Variants in MACF1 observed in about 807,000 individuals in gnomAD.
The protein encoded by MACF1 is microtubule actin crosslinking factor 1, also known as microtubule-actin cross-linking factor 1.
In MACF1, 193 loss-of-function variants were observed where a neutral mutation model predicts 854.8. The ratio of observed to expected loss-of-function variants is 0.23; its 90% CI spans 0.20 to 0.25. MACF1 has a LOEUF of 0.25. Among genes scored for constraint, MACF1 ranks in the 10% least tolerant of loss-of-function variants. The pLI, the probability that MACF1 is intolerant of heterozygous loss-of-function variation, is 1.00. For missense variants in MACF1, 7,722 were observed against 8,929.1 expected (o/e 0.86, Z 5.45); for synonymous variants, 3,185 against 3,226.7 (o/e 0.99, Z 0.44).
intron 97 of MACF1, among the ~76,000 whole-genome samples, chr1:39,477,073 A>ACACACACATATATACACATAGTG (rs1481277864): frequency 2.6e-5 from 1 of 37,866 alleles, no homozygotes; most frequent in African/African-American, 1.7e-4. Context: ...ATATATATAT[A>ACACACACATATATACACATAGTG]TATATATATA....
chr1:39,286,393 C>T (rs1019762874), intron 14 of MACF1, among the ~76,000 whole-genome samples: 14 of 151,830 alleles, frequency 9.2e-5, no homozygotes, highest in African/African-American at 1.9e-4. Context: ...TGATCCATCA[C>T]ATTCTTTTTA....
chr1:39,293,949 A>G (rs965631376), intron 18 of MACF1, among the ~76,000 whole-genome samples: 2 of 152,096 alleles, frequency 1.3e-5, no homozygotes, highest in South Asian at 2.1e-4. Context: ...TTATTCTTCT[A>G]CTAACTAGCT....
chr1:39,359,597 C>G (rs1490655060), intron 47 of MACF1, among the ~76,000 whole-genome samples: 4 of 152,100 alleles, frequency 2.6e-5, no homozygotes, highest in Non-Finnish European at 5.9e-5. Context: ...TTATTGAATG[C>G]TTACCAAGCG....
At chr1:39,417,712 A>ATTTTTTTTTTTT (rs1643370130) in intron 58 of MACF1, among the ~76,000 whole-genome samples, 1 of 68,516 alleles carries the variant, frequency 1.5e-5, no homozygotes, top group Admixed American at 1.6e-4. Flanking sequence ...ACACCCAGTT[A>ATTTTTTTTTTTT]ATTTTTTTTT....
At chr1:39,247,580 C>T (rs569773864) in intron 2 of MACF1, among the ~76,000 whole-genome samples, 1 of 152,126 alleles carries the variant, frequency 6.6e-6, no homozygotes, top group East Asian at 1.9e-4. Context: ...CCCAACATTG[C>T]ATTTAGTGAT....
chr1:39,093,305 CTTTTTTTTTTTTTT>C (rs34921076), intron 2 of MACF1, among the ~76,000 whole-genome samples: 29 of 54,176 alleles, frequency 5.4e-4, no homozygotes, highest in East Asian at 9.1e-4. Context: ...TACTCCACTT[CTTTTTTTTTTTTTT>C]TTTTTTTTTT....
chr1:39,436,368 G>T, intron 70 of MACF1: 2 of 1,084,620 alleles, frequency 1.8e-6, no homozygotes, highest in Non-Finnish European at 2.8e-6. Context: ...CCCACCTTCC[G>T]TCCCATCTCT....
At chr1:39,134,619 C>T (rs1643117237) in intron 2 of MACF1, among the ~76,000 whole-genome samples, 1 of 152,158 alleles carries the variant, frequency 6.6e-6, no homozygotes, top group African/African-American at 2.4e-5. Flanking sequence ...CCTAATTCCC[C>T]ATTTGTAAAA....
intron 2 of MACF1, among the ~76,000 whole-genome samples, chr1:39,146,971 A>C (rs1486913354): frequency 6.6e-6 from 1 of 152,074 alleles, no homozygotes; most frequent in Admixed American, 6.6e-5. Context: ...ATATACACCT[A>C]CTGAGTACCC....
chr1:39,387,350 T>G lies in MACF1; in HGVS notation c.14508T>G (p.Asn4836Lys), dbSNP rs762861917. 2.5e-6 allele frequency: 4 copies of G among 1,614,176 alleles called. No homozygotes were observed. Among genetic ancestry groups the G allele is most frequent in the Non-Finnish European group, 2.5e-6 (3 of 1,180,040 alleles). The change falls in exon 58 of 101, where the codon AAT becomes AAG. Residue 4836 changes from asparagine to lysine, a missense_variant. By Grantham distance (94) the Asn-to-Lys change is moderately conservative (BLOSUM62 0). Transcript: ENST00000564288. ...LERLQSQLQE[N>K]EEFQKSLNQH... ...GGCTACAGTCTCAGCTACAGGAGAATGAAGAGTTTCAGAAAAGTCTTAATC... is the reference window on the plus strand; with the variant it reads ...GGCTACAGTCTCAGCTACAGGAGAAGGAAGAGTTTCAGAAAAGTCTTAATC...
rs1185890465 is a variant in MACF1 at position 39,335,853 on chromosome 1, T to A, written c.9265T>A (p.Leu3089Ile). The change falls in exon 37 of 101, where the codon TTA becomes ATA. Residue 3089 changes from leucine (L) to isoleucine (I), a missense_variant. By Grantham distance (5) the Leu-to-Ile change is conservative. This residue lies in a region of MACF1 where 854 missense variants were observed against 852.6 expected (regional missense o/e 1.00). Coordinates refer to ENST00000564288, the MANE Select transcript of MACF1 (RefSeq NM_001394062.1). ...CTTGACTTTAAAACCAGAAGAAAAC[T>A]TATCTCGAGAAATTGCCTGTGGGGC... ...LCLTLKPEEN[L>I]SREIACGAQS... 1.9e-6 allele frequency: 3 copies of A among 1,613,838 alleles called. No homozygotes were observed. The highest frequency in any genetic ancestry group is 2.7e-5 in the African/African-American group (2 of 74,830).
Position 39,336,019 on chromosome 1 carries a change from C to A in MACF1, c.9431C>A (p.Thr3144Asn), listed in dbSNP as rs745674971. ...TTCCAAGGAACCACCAGACAGGAGA[C>A]CAACTATCAAGATTCCTGGGTTACT... The part of the protein sequence containing the change: ...KSFQGTTRQE[T>N]NYQDSWVTSK... The change falls in exon 37 of 101, where the codon ACC (threonine) becomes AAC (asparagine). Residue 3144 changes from threonine to asparagine, a missense_variant. Physicochemically the swap from Thr to Asn is moderately conservative, Grantham distance 65 (BLOSUM62 0). Around this residue, in one of 15 missense-constraint regions of MACF1, gnomAD observed 854 missense variants for 852.6 expected, o/e 1.00. Coordinates refer to ENST00000564288, the MANE Select transcript of MACF1 (RefSeq NM_001394062.1). 5 of 1,614,096 alleles carry A rather than the reference C, an allele frequency of 3.1e-6. No individual in the cohort carries two copies. The highest frequency in any genetic ancestry group is 4.2e-6 in the Non-Finnish European group (5 of 1,180,014).
At chr1:39,412,808 A>T (rs1446904618) in intron 58 of MACF1, 3 of 1,612,766 alleles carry the variant, frequency 1.9e-6, no homozygotes, top group South Asian at 1.1e-5. Flanking sequence ...GATGCCCTAG[A>T]TGCTGCACTG....
At chr1:39,378,062 A>C (rs1271895061) in intron 52 of MACF1, among the ~76,000 whole-genome samples, 1 of 152,072 alleles carries the variant, frequency 6.6e-6, no homozygotes, top group Non-Finnish European at 1.5e-5. Flanking sequence ...CATTTTTATT[A>C]TATTGAAAGA....
chr1:39,417,457 G>A (rs550600164), intron 58 of MACF1, among the ~76,000 whole-genome samples: 17 of 152,244 alleles, frequency 1.1e-4, no homozygotes, highest in African/African-American at 2.9e-4. Context: ...GTGTTTGAAC[G>A]CTCTGCTGAT....
chr1:39,137,354 G>A (rs1430637429), intron 2 of MACF1, among the ~76,000 whole-genome samples: 1 of 152,204 alleles, frequency 6.6e-6, no homozygotes, highest in Non-Finnish European at 1.5e-5. Flanking sequence ...ACAGGCGTGA[G>A]CCACCATACC....
Position 39,388,145 on chromosome 1 carries a change from C to T in MACF1, c.15303C>T (p.Leu5101=), listed in dbSNP as rs755946939. The T allele has an allele frequency of 8.1e-6, 13 of 1,613,920 alleles. No individual in the cohort carries two copies. In the Admixed American group the frequency reaches 1.2e-4, roughly 14 times the overall value. The change falls in exon 58 of 101, where the codon CTC becomes CTT. Residue 5101 remains leucine, a synonymous_variant. Coordinates refer to ENST00000564288, the MANE Select transcript of MACF1 (RefSeq NM_001394062.1). ...CTGAGGTCGCCCAGCAAGAGTTCCT[C>T]GAAGTTAAGCAAAGAGTGAACAGTG... ...HQAEVAQQEF[L]EVKQRVNSGC...
intron 56 of MACF1, among the ~76,000 whole-genome samples, chr1:39,382,759 G>C (rs754804983): frequency 5.9e-5 from 9 of 151,918 alleles, no homozygotes; most frequent in Non-Finnish European, 1.3e-4. Context: ...ATATCTGCCG[G>C]CTTTACATAG....
chr1:39,434,526 A>T lies in MACF1; in HGVS notation c.17678A>T (p.Tyr5893Phe), dbSNP rs1643931150. ...QVLVNQFWET[Y>F]EELSPWIEET... ...TTAGTAAACCAGTTTTGGGAAACTT[A>T]TGAAGAGCTCAGCCCCTGGATTGAG... Residue 5893 changes from tyrosine (Y) to phenylalanine (F), a missense_variant, in exon 69 of 101, where the codon TAT (tyrosine) becomes TTT (phenylalanine). Tyr to Phe is a conservative substitution (Grantham distance 22, BLOSUM62 3). Transcript: ENST00000564288. The T allele has an allele frequency of 6.2e-7, 1 of 1,613,912 alleles. No individual in the cohort carries two copies. The highest frequency in any genetic ancestry group is 1.3e-5 in the African/African-American group (1 of 74,866).
Sources: allele counts gnomAD v4.1 joint callset (sites outside exome capture counted in the v4.1 genomes callset), GRCh38; gene constraint gnomAD v4.1.1; regional missense constraint gnomAD v4.1.1; transcripts MANE v1.5; gene names NCBI Gene and HGNC (gene_info 2026-07-23, HGNC 2026-07-21).